PTER: variants seen among roughly 807,000 people sequenced by gnomAD.
PTER encodes the protein phosphotriesterase related, also known as N-acetyltaurine hydrolase.
Under a neutral mutation model 29.6 loss-of-function variants are expected in PTER, and 38 were observed. The ratio of observed to expected loss-of-function variants is 1.28; its 90% CI spans 0.99 to 1.68. PTER has a LOEUF of 1.68. Among genes scored for constraint, PTER ranks in the 40% most tolerant of loss-of-function variants. The probability of loss-of-function intolerance (pLI) is 0.00; values close to 1 mark genes in which losing one functional copy is unlikely to be tolerated. For missense variants in PTER, 482 were observed against 427.8 expected (o/e 1.13, Z -1.12); for synonymous variants, 172 against 154.5 (o/e 1.11, Z -0.84).
Position 16,484,352 on chromosome 10 carries a change from T to A in PTER, c.-33T>A, listed in dbSNP as rs748562533. On this transcript the variant is annotated 5_prime_UTR_variant, in exon 2 of 5. Coordinates refer to ENST00000535784, the MANE Select transcript of PTER (RefSeq NM_001261836.2). ...TTGTTTTTAGAAAAAAGAAATCCTC[T>A]TTTTAGAACATCTCTTGGTGGTACC... 1 of 1,522,062 alleles carries A rather than the reference T, an allele frequency of 6.6e-7. No individual in the cohort carries two copies. Among genetic ancestry groups the A allele is most frequent in the South Asian group, 1.3e-5 (1 of 78,110 alleles). The allele number at this position is 1,522,062 out of a possible 1,614,324, so 94.3% of individuals were successfully genotyped here. A position where few individuals can be genotyped will look rare whatever the true frequency, so the allele number is the denominator to read the frequency against.
intron 3 of PTER, 119 bp from the exon 4 acceptor site, chr10:16,504,901 C>A: frequency 8.9e-7 from 1 of 1,121,998 alleles, no homozygotes; most frequent in Non-Finnish European, 1.3e-6. Flanking sequence ...TCAGAAGTGT[C>A]TGTTACTCGA....
At chr10:16,505,200 A>G in intron 4 of PTER, 40 bp downstream of exon 4, 1 of 1,604,874 alleles carries the variant, frequency 6.2e-7, no homozygotes, top group South Asian at 1.1e-5. Context: ...CCCTTTCCCT[A>G]GCCCTTTTTG....
chr10:16,469,733 GCTGA>G (rs1318591980), intron 1 of PTER, among the ~76,000 whole-genome samples: 1 of 151,842 alleles, frequency 6.6e-6, no homozygotes, highest in Non-Finnish European at 1.5e-5. Context: ...TGTCACCATG[GCTGA>G]CTAATTTTGG....
At chr10:16,470,463 G>A (rs550623834) in intron 1 of PTER, among the ~76,000 whole-genome samples, 49 of 152,164 alleles carry the variant, frequency 3.2e-4, no homozygotes, top group African/African-American at 1.0e-3. Flanking sequence ...GAGGCTTTTC[G>A]CCCTCCATTA....
intron 1 of PTER, among the ~76,000 whole-genome samples, chr10:16,442,276 A>G (rs544205932): frequency 6.6e-6 from 1 of 152,158 alleles, no homozygotes; most frequent in Non-Finnish European, 1.5e-5. Flanking sequence ...AAGTTATCTC[A>G]TGTTTATGCC....
In PTER at chr10:16,511,585, T is replaced by G. The variant is rs2133528246; in HGVS notation, c.*329T>G. On this transcript the variant is annotated 3_prime_UTR_variant, in exon 5 of 5. Transcript: ENST00000535784. ...TATCAGCTGCACTACTTGAGAAAAT[T>G]TAAAGTGTTTCTAGTTAAATTATTT... The G allele has an allele frequency of 4.0e-6, 1 of 248,772 alleles. No individual in the cohort carries two copies. The highest frequency in any genetic ancestry group is 7.7e-5 in the East Asian group (1 of 12,924). The allele number at this position is 248,772 out of a possible 1,614,324, so 15.4% of individuals were successfully genotyped here.
intron 3 of PTER, among the ~76,000 whole-genome samples, chr10:16,497,179 C>G (rs1294279466): frequency 1.3e-5 from 2 of 152,162 alleles, no homozygotes; most frequent in Non-Finnish European, 1.5e-5. Context: ...AGGTAATCCA[C>G]TCGACTTGGC....
intron 1 of PTER, among the ~76,000 whole-genome samples, chr10:16,457,315 C>A (rs1488344678): frequency 2.0e-5 from 3 of 150,928 alleles, no homozygotes; most frequent in Admixed American, 2.0e-4. Flanking sequence ...CGGGTTCACG[C>A]CATTCTCCTG....
intron 1 of PTER, among the ~76,000 whole-genome samples, chr10:16,464,550 G>T (rs781494188): frequency 6.6e-6 from 1 of 152,062 alleles, no homozygotes; most frequent in Non-Finnish European, 1.5e-5. Flanking sequence ...CTTAATGATC[G>T]CCCTTATGTA....
chr10:16,441,146 G>C (rs1833836665), intron 1 of PTER, among the ~76,000 whole-genome samples: 2 of 152,328 alleles, frequency 1.3e-5, no homozygotes, highest in African/African-American at 2.4e-5. Context: ...GGTAAAGGCT[G>C]TATGCCTGGA....
chr10:16,515,637 A>T (rs930873547), downstream of PTER, among the ~76,000 whole-genome samples: 3 of 152,150 alleles, frequency 2.0e-5, no homozygotes, highest in Non-Finnish European at 4.4e-5. Context: ...CAAACAGTCA[A>T]ATTGCCTATC....
At chr10:16,443,566 A>G (rs2133358915) in intron 1 of PTER, among the ~76,000 whole-genome samples, 1 of 152,366 alleles carries the variant, frequency 6.6e-6, no homozygotes, top group Non-Finnish European at 1.5e-5. Flanking sequence ...CTTTTTAACT[A>G]ACATTACTTG....
At chr10:16,475,087 C>A (rs1185915762) in intron 1 of PTER, among the ~76,000 whole-genome samples, 1 of 152,030 alleles carries the variant, frequency 6.6e-6, no homozygotes, top group South Asian at 2.1e-4. Flanking sequence ...ATTTATGAAG[C>A]CTTTACCTTC....
At chr10:16,518,060 T>G (rs1393410386), downstream of PTER, among the ~76,000 whole-genome samples, 3 of 152,220 alleles carry the variant, frequency 2.0e-5, no homozygotes, top group African/African-American at 7.2e-5. Context: ...TACACTGACA[T>G]GGATCTCTGA....
intron 1 of PTER, among the ~76,000 whole-genome samples, chr10:16,444,437 GT>G (rs748849296): frequency 5.4e-4 from 79 of 145,820 alleles, no homozygotes; most frequent in East Asian, 2.0e-3. Flanking sequence ...ACCACGCCTG[GT>G]TTTTTTTTTT....
intron 1 of PTER, among the ~76,000 whole-genome samples, chr10:16,440,629 C>T (rs899708767): frequency 6.6e-6 from 1 of 152,136 alleles, no homozygotes; most frequent in African/African-American, 2.4e-5. Flanking sequence ...AGTGGAGTGA[C>T]CTGTGTCACT....
At chr10:16,478,653 AT>A (rs1835368713) in intron 1 of PTER, among the ~76,000 whole-genome samples, 1 of 151,774 alleles carries the variant, frequency 6.6e-6, no homozygotes, top group Non-Finnish European at 1.5e-5. Flanking sequence ...AAAAAAAAAA[AT>A]GTTTTCAGTT....
chr10:16,468,304 C>T (rs1232988369), intron 1 of PTER, among the ~76,000 whole-genome samples: 3 of 151,922 alleles, frequency 2.0e-5, no homozygotes, highest in Admixed American at 6.6e-5. Flanking sequence ...ATCAAACCAC[C>T]GTACTCCAGC....
At chr10:16,446,668 G>T (rs550767808) in intron 1 of PTER, among the ~76,000 whole-genome samples, 72 of 152,272 alleles carry the variant, frequency 4.7e-4, no homozygotes, top group African/African-American at 1.5e-3. Context: ...TTCATGGACT[G>T]TTGCTACTCG....
Sources: allele counts gnomAD v4.1 joint callset (sites outside exome capture counted in the v4.1 genomes callset), GRCh38; gene constraint gnomAD v4.1.1; transcripts MANE v1.5; gene names NCBI Gene and HGNC (gene_info 2026-07-23, HGNC 2026-07-21).